ASTN2: variants seen among roughly 807,000 people sequenced by gnomAD.
The protein encoded by ASTN2 is astrotactin 2.
ASTN2 carries 54 observed loss-of-function variants against 139.8 expected under a neutral mutation model. That is an observed-to-expected ratio of 0.39 (90% CI 0.31 to 0.48). ASTN2 has a LOEUF of 0.48. ASTN2 is among the 20% of genes least tolerant of loss of function. ASTN2 has a pLI of 0.95. For synonymous variants in ASTN2, 756 were observed against 719.5 expected (o/e 1.05, Z -0.81); for missense variants, 1,565 against 1,725.1 (o/e 0.91, Z 1.64).
chr9:117,106,179 T>C (rs537502034), intron 4 of ASTN2, among the ~76,000 whole-genome samples: 249 of 152,314 alleles, frequency 1.6e-3, no homozygotes, highest in African/African-American at 5.6e-3. Context: ...CTGAGGTTGC[T>C]TATGTGCCCA....
intron 4 of ASTN2, among the ~76,000 whole-genome samples, chr9:117,134,942 C>T (rs1564443441): frequency 6.6e-6 from 1 of 152,192 alleles, no homozygotes. Context: ...GGACATGGGA[C>T]TGGCTCCCTG....
Position 116,677,720 on chromosome 9 carries a change from AGT to A in ASTN2, c.2807-25929_2807-25928del, listed in dbSNP as rs543590279. On this transcript the variant is annotated intron_variant, in intron 16 of 22. Coordinates refer to ENST00000313400, the MANE Select transcript of ASTN2 (RefSeq NM_001365068.1). The stretch of plus-strand genomic sequence containing the variant: ...GAAGCACTGCACTGTCTTCTCCCAT[AGT>A]ATTTCCCTCCTTTTGGGGACCCAGG... 3.3e-5 allele frequency among the ~76,000 whole-genome samples: 5 copies of A among 152,318 alleles called. 1 individual carries two copies. In the East Asian group the frequency reaches 9.6e-4, roughly 29 times the overall value.
intron 5 of ASTN2, among the ~76,000 whole-genome samples, chr9:117,049,253 A>G (rs1166253137): frequency 6.6e-6 from 1 of 152,120 alleles, no homozygotes; most frequent in African/African-American, 2.4e-5. Context: ...AACCAGATGT[A>G]TCTTGAAAAG....
intron 19 of ASTN2, among the ~76,000 whole-genome samples, chr9:116,574,211 T>C (rs1406270672): frequency 6.6e-6 from 1 of 152,170 alleles, no homozygotes; most frequent in East Asian, 1.9e-4. Context: ...AAAACAGCCA[T>C]AGATAATATG....
chr9:117,101,618 T>C (rs1299249900), intron 4 of ASTN2, among the ~76,000 whole-genome samples: 1 of 152,156 alleles, frequency 6.6e-6, no homozygotes, highest in Admixed American at 6.5e-5. Flanking sequence ...ATATCCCTCC[T>C]ACACCTCACA....
intron 6 of ASTN2, among the ~76,000 whole-genome samples, chr9:117,035,470 C>T (rs1332142269): frequency 1.3e-5 from 2 of 152,034 alleles, no homozygotes; most frequent in African/African-American, 2.4e-5. Flanking sequence ...CCCTCTCATC[C>T]CCCTATGTAA....
intron 19 of ASTN2, among the ~76,000 whole-genome samples, chr9:116,549,964 C>T (rs534551128): frequency 6.6e-6 from 1 of 152,296 alleles, no homozygotes; most frequent in South Asian, 2.1e-4. Flanking sequence ...TTATGATGTG[C>T]TCACTCTCCT....
intron 3 of ASTN2, among the ~76,000 whole-genome samples, chr9:117,164,275 G>A (rs763956097): frequency 6.6e-6 from 1 of 152,034 alleles, no homozygotes; most frequent in Non-Finnish European, 1.5e-5. Flanking sequence ...AATGCAGGCA[G>A]AAATCTGCCC....
chr9:117,214,875 G>A (rs1029929232), intron 2 of ASTN2, 133 bp from the exon 3 acceptor site: 19 of 1,104,808 alleles, frequency 1.7e-5, no homozygotes, highest in Middle Eastern at 3.3e-4. Flanking sequence ...ACCACCAGCC[G>A]TGGTTTTTAA....
chr9:117,374,569 A>T (rs956068439), intron 1 of ASTN2, among the ~76,000 whole-genome samples: 2 of 152,104 alleles, frequency 1.3e-5, no homozygotes, highest in Non-Finnish European at 2.9e-5. Context: ...AATTAACTCA[A>T]AGGCAGTAAA....
intron 16 of ASTN2, among the ~76,000 whole-genome samples, chr9:116,662,333 G>A (rs1564190292): frequency 1.3e-5 from 2 of 152,210 alleles, no homozygotes; most frequent in Non-Finnish European, 2.9e-5. Context: ...AACACTTTGG[G>A]AGGCTAAGGT....
chr9:116,966,403 CCT>C (rs766499018), intron 10 of ASTN2, among the ~76,000 whole-genome samples: 3 of 152,102 alleles, frequency 2.0e-5, no homozygotes, highest in Non-Finnish European at 4.4e-5. Context: ...TGTCTTGAGC[CCT>C]CTATCTGAGC....
chr9:117,359,636 G>A lies in ASTN2; in HGVS notation c.442+54861C>T, dbSNP rs1334638372. 2.0e-5 allele frequency among the ~76,000 whole-genome samples: 3 copies of A among 152,172 alleles called. No individual in the cohort carries two copies. The East Asian group carries it at 5.8e-4, about 29-fold the overall frequency. ...CTTGAAATCTGTGGGTGCCTGTCTG[G>A]TTATGGGGAGTCTTCTGATCAGTAG... On this transcript the variant is annotated intron_variant, in intron 1 of 22. Coordinates refer to ENST00000313400, the MANE Select transcript of ASTN2 (RefSeq NM_001365068.1).
intron 11 of ASTN2, among the ~76,000 whole-genome samples, chr9:116,855,667 T>C (rs1021470000): frequency 3.3e-5 from 5 of 152,156 alleles, no homozygotes; most frequent in Admixed American, 3.3e-4. Flanking sequence ...TGGGAGGGTG[T>C]CTTCTGATGA....
intron 7 of ASTN2, among the ~76,000 whole-genome samples, chr9:116,980,538 T>C (rs1836483447): frequency 6.6e-6 from 1 of 152,186 alleles, no homozygotes; most frequent in African/African-American, 2.4e-5. Flanking sequence ...TTTGGGGCCT[T>C]AGTTTCTCCT....
At chr9:116,919,640 A>AT (rs72054196) in intron 10 of ASTN2, among the ~76,000 whole-genome samples, 14,101 of 113,526 alleles carry the variant, frequency 0.12, 1,276 homozygotes, top group East Asian at 0.26. Context: ...CAAAAACATC[A>AT]TTTTTTTTTT....
At chr9:116,823,060 T>A (rs986689689) in intron 11 of ASTN2, among the ~76,000 whole-genome samples, 1 of 152,128 alleles carries the variant, frequency 6.6e-6, no homozygotes, top group Non-Finnish European at 1.5e-5. Flanking sequence ...AGGCACAGAT[T>A]CTCCTCTAGA....
intron 20 of ASTN2, among the ~76,000 whole-genome samples, chr9:116,462,882 AATATTACCT>A (rs1848535972): frequency 6.6e-6 from 1 of 151,414 alleles, no homozygotes; most frequent in Non-Finnish European, 1.5e-5. Flanking sequence ...ATTTCTAACT[AATATTACCT>A]GCTAGTCACT....
intron 5 of ASTN2, among the ~76,000 whole-genome samples, chr9:117,092,497 C>A (rs1828730985): frequency 6.6e-6 from 1 of 152,176 alleles, no homozygotes; most frequent in Non-Finnish European, 1.5e-5. Flanking sequence ...AAAGACTCAA[C>A]TTCCTTCTGA....
Sources: allele counts gnomAD v4.1 joint callset (sites outside exome capture counted in the v4.1 genomes callset), GRCh38; gene constraint gnomAD v4.1.1; transcripts MANE v1.5; gene names NCBI Gene and HGNC (gene_info 2026-07-23, HGNC 2026-07-21).